Variants in SCNN1B observed in about 807,000 individuals in gnomAD.
The protein encoded by SCNN1B is sodium channel epithelial 1 subunit beta.
A neutral mutation model predicts 65.3 loss-of-function variants in SCNN1B; 46 were observed. That is an observed-to-expected ratio of 0.70 (90% confidence interval 0.56 to 0.90). The LOEUF (loss-of-function observed/expected upper bound fraction) is 0.90, where lower values mean the gene tolerates loss of function less well. Ranked by LOEUF, SCNN1B falls within the 40% of genes least tolerant of loss-of-function variation. The pLI, the probability that SCNN1B is intolerant of heterozygous loss-of-function variation, is 0.00. For missense variants in SCNN1B, 751 were observed against 830.5 expected (o/e 0.90, Z 1.18); for synonymous variants, 349 against 330.6 (o/e 1.06, Z -0.60).
chr16:23,369,664 G>A (rs1962743649), intron 5 of SCNN1B, among the ~76,000 whole-genome samples: 1 of 152,066 alleles, frequency 6.6e-6, no homozygotes, highest in Non-Finnish European at 1.5e-5. Context: ...CGCTGGCCAA[G>A]AGGGCAGGTG....
At position 23,352,961 on chromosome 16, in the gene SCNN1B, C is replaced by G. The variant is rs1232891906; in HGVS notation, c.472C>G (p.Pro158Ala). The G allele has an allele frequency of 1.2e-6, 2 of 1,614,120 alleles. No individual in the cohort carries two copies. The highest frequency in any genetic ancestry group is 1.7e-5 in the Admixed American group (1 of 60,018). ...CCTGGTCCTTATTGATGAACGGAAC[C>G]CCCACCACCCCATGGTCCTTGATCT... ...TPLVLIDERN[P>A]HHPMVLDLFG... The change falls in exon 3 of 13, where the codon CCC becomes GCC. Residue 158 changes from proline (P) to alanine (A), a missense_variant. Pro to Ala is a conservative substitution (Grantham distance 27, BLOSUM62 -1). Coordinates refer to ENST00000343070, the MANE Select transcript of SCNN1B (RefSeq NM_000336.3).
At chr16:23,318,892 G>A (rs764186290) in intron 1 of SCNN1B, among the ~76,000 whole-genome samples, 6 of 152,224 alleles carry the variant, frequency 3.9e-5, no homozygotes, top group Admixed American at 6.5e-5. Context: ...GATCAAGCTG[G>A]TACTTGATTG....
chr16:23,286,441 G>C (rs377082647), intron 2 of SCNN1B, among the ~76,000 whole-genome samples: 54 of 152,322 alleles, frequency 3.5e-4, no homozygotes, highest in African/African-American at 1.3e-3. Flanking sequence ...GAAGGATCTG[G>C]TTGTCACCAC....
chr16:23,296,253 A>G (rs1335820961), intron 2 of SCNN1B, among the ~76,000 whole-genome samples: 1 of 152,194 alleles, frequency 6.6e-6, no homozygotes, highest in Non-Finnish European at 1.5e-5. Context: ...GGGGATCCAG[A>G]GAACTGAGGC....
chr16:23,293,114 CAAAAAAAAAA>C (rs1191618996), intron 2 of SCNN1B, among the ~76,000 whole-genome samples: 704 of 34,170 alleles, frequency 0.021, 13 homozygotes, highest in African/African-American at 0.051. Context: ...GACTCATTCT[CAAAAAAAAAA>C]AAAAAAAAAA....
chr16:23,310,203 C>G (rs1961310842), intron 1 of SCNN1B, among the ~76,000 whole-genome samples: 1 of 149,224 alleles, frequency 6.7e-6, no homozygotes, highest in South Asian at 2.1e-4. Context: ...ATAGTGAGAC[C>G]CTGTCTCTAT....
rs989015167 is a variant in SCNN1B, at chr16:23,333,962, G to A, written c.-8-14630G>A. On this transcript the variant is annotated intron_variant, in intron 1 of 12. Transcript: ENST00000343070. Reference sequence around the variant, plus strand: ...ACCCTACCCTGTCTGCCCTTGAATGGGAATGTTAGTCACATCCAGGTCCTT... The same window carrying A: ...ACCCTACCCTGTCTGCCCTTGAATGAGAATGTTAGTCACATCCAGGTCCTT... Among the ~76,000 whole-genome samples the A allele has an allele frequency of 4.6e-5, 7 of 152,288 alleles. 1 individual carries two copies. Among genetic ancestry groups the A allele is most frequent in the Admixed American group, 4.6e-4 (7 of 15,304 alleles).
intron 4 of SCNN1B, among the ~76,000 whole-genome samples, chr16:23,361,306 C>T (rs1962549129): frequency 6.6e-6 from 1 of 152,154 alleles, no homozygotes; most frequent in Non-Finnish European, 1.5e-5. Flanking sequence ...TCAAGTGATC[C>T]TCCCTCCTCA....
intron 1 of SCNN1B, among the ~76,000 whole-genome samples, chr16:23,316,602 C>A (rs1417739381): frequency 6.9e-6 from 1 of 144,070 alleles, no homozygotes; most frequent in Non-Finnish European, 1.5e-5. Flanking sequence ...ACCACCATCA[C>A]CATCATCACC....
rs574892073 is a variant in SCNN1B, at chr16:23,380,855, T to G, written c.*54T>G. 438 of 1,598,452 alleles carry G rather than the reference T, an allele frequency of 2.7e-4. 1 individual carries two copies. Among genetic ancestry groups the G allele is most frequent in the Non-Finnish European group, 1.6e-4 (184 of 1,168,596 alleles). On this transcript the variant is annotated 3_prime_UTR_variant, in exon 13 of 13. Transcript: ENST00000343070. This position sits in a 1 kb window ranked among gnomAD's most constrained non-coding sequence, Gnocchi z 5.4. ...AAACTCACTGAGCAGCCAAGACTGTTGCCCGAGGCCTCACTGTATGGTGCC... is the reference window on the plus strand; with the variant it reads ...AAACTCACTGAGCAGCCAAGACTGTGGCCCGAGGCCTCACTGTATGGTGCC...
chr16:23,315,758 C>T (rs532785712), intron 1 of SCNN1B, among the ~76,000 whole-genome samples: 12 of 152,250 alleles, frequency 7.9e-5, no homozygotes, highest in Admixed American at 6.5e-4. Flanking sequence ...GAGCCGTGAT[C>T]GTGCCACCGC....
chr16:23,320,854 G>C (rs996302859), intron 1 of SCNN1B, among the ~76,000 whole-genome samples: 1 of 152,164 alleles, frequency 6.6e-6, no homozygotes, highest in Non-Finnish European at 1.5e-5. Flanking sequence ...CCTCAGGGAC[G>C]GGGCAGGGCC....
At chr16:23,279,151 A>G (rs546237716) in intron 1 of SCNN1B, among the ~76,000 whole-genome samples, 35 of 152,052 alleles carry the variant, frequency 2.3e-4, no homozygotes, top group Non-Finnish European at 4.7e-4. Context: ...ATCTTGGCTC[A>G]CTGCAACCTC....
chr16:23,348,111 T>C lies in SCNN1B; in HGVS notation c.-8-481T>C, dbSNP rs1464496701. On this transcript the variant is annotated intron_variant, in intron 1 of 12. Transcript: ENST00000343070. The surrounding 1 kb of genome is among the most constrained non-coding windows in gnomAD (Gnocchi z 4.5). ...CACCTGGGACCATGCAGACACATCATGGGGAGGACATGTAAACTCCATATA... is the reference window on the plus strand; with the variant it reads ...CACCTGGGACCATGCAGACACATCACGGGGAGGACATGTAAACTCCATATA... Among the ~76,000 whole-genome samples, 1 of 152,076 alleles carries C rather than the reference T, an allele frequency of 6.6e-6. No homozygotes were observed. Among genetic ancestry groups the C allele is most frequent in the East Asian group, 1.9e-4 (1 of 5,172 alleles).
At chr16:23,347,029 C>G (rs1331438839) in intron 1 of SCNN1B, among the ~76,000 whole-genome samples, 1 of 151,986 alleles carries the variant, frequency 6.6e-6, no homozygotes, top group Admixed American at 6.6e-5. Flanking sequence ...CCCAGGAGTT[C>G]GAGGCTGCAG....
intron 4 of SCNN1B, among the ~76,000 whole-genome samples, chr16:23,364,916 A>G (rs1323758876): frequency 6.6e-6 from 1 of 152,174 alleles, no homozygotes; most frequent in Non-Finnish European, 1.5e-5. Context: ...GCCTGAGGTC[A>G]GGAGTTCGAG....
chr16:23,312,739 C>T (rs1166616041), intron 1 of SCNN1B, among the ~76,000 whole-genome samples: 7 of 152,088 alleles, frequency 4.6e-5, no homozygotes, highest in Non-Finnish European at 7.4e-5. Flanking sequence ...TACAAGTCGC[C>T]GGCTGTTGGA....
chr16:23,363,675 G>A, intron 4 of SCNN1B, among the ~76,000 whole-genome samples: 1 of 151,956 alleles, frequency 6.6e-6, no homozygotes, highest in East Asian at 1.9e-4. Context: ...TTAGCTGGGT[G>A]TGGTGGCACA....
chr16:23,375,941 C>T (rs1962885533), intron 8 of SCNN1B, 86 bp downstream of exon 8: 6 of 965,280 alleles, frequency 6.2e-6, no homozygotes. Context: ...AGCTCAGTGC[C>T]CTCAGCAGAG....
Sources: gnomAD v4.1 joint callset for allele counts (sites outside exome capture counted in the v4.1 genomes callset) on GRCh38, gnomAD v4.1.1 for gene constraint, Gnocchi (gnomAD v3.1) non-coding constraint, MANE v1.5 for transcripts, NCBI Gene and HGNC (gene_info 2026-07-23, HGNC 2026-07-21) for gene names.